Variants in ESYT2 observed in about 807,000 individuals in gnomAD.
ESYT2 encodes the protein extended synaptotagmin-2.
Under a neutral mutation model 107.2 loss-of-function variants are expected in ESYT2, and 54 were observed. The ratio of observed to expected loss-of-function variants is 0.50; its 90% CI spans 0.40 to 0.63. The LOEUF (loss-of-function observed/expected upper bound fraction) is 0.63. Among genes scored for constraint, ESYT2 ranks in the 30% least tolerant of loss-of-function variants. The pLI, the probability that ESYT2 is intolerant of heterozygous loss-of-function variation, is 0.00. For synonymous variants in ESYT2, 491 were observed against 434.1 expected (o/e 1.13, Z -1.63); for missense variants, 1,020 against 1,094.5 (o/e 0.93, Z 0.96).
rs75769839 is a variant in ESYT2 at position 158,790,915 on chromosome 7, G to A, written c.585-2498C>T. ...TGCACTCCAGCCTGGACAACAGAGT[G>A]AGACTCTGTCTCAAAATAAATAAAT... is the stretch of plus-strand genomic sequence containing the variant. On this transcript the variant is annotated intron_variant, in intron 4 of 22. Coordinates refer to ENST00000275418, the MANE Select transcript of ESYT2 (RefSeq NM_001367773.1). Among the ~76,000 whole-genome samples, 689 of 152,230 alleles carry A rather than the reference G, an allele frequency of 4.5e-3. 42 individuals carry two copies. In the East Asian group the frequency reaches 0.12, roughly 26 times the overall value.
intron 6 of ESYT2, among the ~76,000 whole-genome samples, chr7:158,775,534 T>C (rs183563314): frequency 1.7e-3 from 266 of 152,302 alleles, no homozygotes; most frequent in Admixed American, 3.1e-3. Context: ...TCACTAGGAG[T>C]AGATTCCATC....
At chr7:158,828,804 G>A (rs868066067) in intron 1 of ESYT2, among the ~76,000 whole-genome samples, 2 of 150,364 alleles carry the variant, frequency 1.3e-5, no homozygotes, top group Non-Finnish European at 1.5e-5. Flanking sequence ...GTCGCCAGCA[G>A]GCTGGGAGTC....
intron 3 of ESYT2, among the ~76,000 whole-genome samples, chr7:158,795,914 G>A (rs966231296): frequency 6.6e-6 from 1 of 152,204 alleles, no homozygotes; most frequent in Admixed American, 6.5e-5. Flanking sequence ...CACACGTAAG[G>A]CTGCACAGGA....
chr7:158,736,840 G>A (rs1836973184), intron 20 of ESYT2, among the ~76,000 whole-genome samples: 2 of 152,176 alleles, frequency 1.3e-5, no homozygotes, highest in South Asian at 4.1e-4. Context: ...CCACAGGGTT[G>A]TAACTTGAAT....
intron 9 of ESYT2, among the ~76,000 whole-genome samples, chr7:158,763,743 A>G (rs1012999856): frequency 6.6e-6 from 1 of 152,162 alleles, no homozygotes; most frequent in African/African-American, 2.4e-5. Flanking sequence ...GATCAAGTTC[A>G]ATCACTCCAA....
chr7:158,808,808 A>T (rs1042315769), intron 1 of ESYT2, among the ~76,000 whole-genome samples: 1 of 15,622 alleles, frequency 6.4e-5, no homozygotes, highest in Non-Finnish European at 2.9e-4. Flanking sequence ...ATCTCTACTA[A>T]AAAAAAAAAA....
At chr7:158,738,356 C>T (rs1215145623) in intron 19 of ESYT2, among the ~76,000 whole-genome samples, 4 of 150,044 alleles carry the variant, frequency 2.7e-5, no homozygotes, top group East Asian at 2.0e-4. Flanking sequence ...CACACACACA[C>T]ACACACACAC....
At chr7:158,791,261 C>T (rs1035937863) in intron 4 of ESYT2, among the ~76,000 whole-genome samples, 1 of 152,170 alleles carries the variant, frequency 6.6e-6, no homozygotes, top group African/African-American at 2.4e-5. Flanking sequence ...CAGCATGTGG[C>T]GGCCTGGAGC....
chr7:158,788,561 A>G, intron 4 of ESYT2, 144 bp from the exon 5 acceptor site: 1 of 678,534 alleles, frequency 1.5e-6, no homozygotes, highest in Non-Finnish European at 2.4e-6. Flanking sequence ...AATGTGGCCC[A>G]TCAAATTATA....
At chr7:158,763,586 C>T (rs1364856591) in intron 9 of ESYT2, among the ~76,000 whole-genome samples, 1 of 152,160 alleles carries the variant, frequency 6.6e-6, no homozygotes. Flanking sequence ...TGAGCCACCG[C>T]ACCCAGCCAG....
At position 158,751,602 on chromosome 7, in the gene ESYT2, T is replaced by C. The variant is rs112369039; in HGVS notation, c.1482+1179A>G. 5.1e-3 allele frequency among the ~76,000 whole-genome samples: 768 copies of C among 150,060 alleles called. 4 individuals carry two copies. The highest frequency in any genetic ancestry group is 0.018 in the African/African-American group (738 of 40,728). ...GAAACTAGGTGAGCTAATTTAATAA[T>C]ATAACAATTATAATATATATTATCC... On this transcript the variant is annotated intron_variant, in intron 14 of 22. Transcript: ENST00000275418.
chr7:158,742,260 G>A lies in ESYT2; in HGVS notation c.1795-364C>T, dbSNP rs147662885. Among the ~76,000 whole-genome samples the A allele has an allele frequency of 2.4e-3, 366 of 152,254 alleles. 2 individuals carry two copies. The highest frequency in any genetic ancestry group is 8.4e-3 in the African/African-American group (347 of 41,556). On this transcript the variant is annotated intron_variant, in intron 17 of 22. Coordinates refer to ENST00000275418, the MANE Select transcript of ESYT2 (RefSeq NM_001367773.1). ...CAGGCTCTGGTGGCAGCAACAGGGC[G>A]GTGGCAGTGATAAGCCTGGTGTGGA...
chr7:158,757,765 TTTG>T (rs1409433982), intron 13 of ESYT2, among the ~76,000 whole-genome samples: 14 of 139,804 alleles, frequency 1.0e-4, no homozygotes, highest in African/African-American at 3.5e-4. Flanking sequence ...TTTTTTTTTT[TTTG>T]TTTTTTGTTT....
At chr7:158,785,792 C>A (rs553190335) in intron 6 of ESYT2, among the ~76,000 whole-genome samples, 2 of 152,286 alleles carry the variant, frequency 1.3e-5, no homozygotes, top group Admixed American at 1.3e-4. Context: ...AACTTCGTCA[C>A]CTCAGCAATA....
intron 19 of ESYT2, among the ~76,000 whole-genome samples, chr7:158,737,881 G>A (rs6965969): frequency 0.24 from 36,074 of 152,004 alleles, 5,159 homozygotes; most frequent in East Asian, 0.59. Flanking sequence ...AAAATAGTTC[G>A]TAAGCCCACA....
rs555297115 is a variant in ESYT2, at chr7:158,752,994, C to T, written c.1420-151G>A. ...AATTACACAAACAACCAAAATGCCA[C>T]GTATAAAATTCTTTATGCCCAAGAC... On this transcript the variant is annotated intron_variant, in intron 13 of 22. Coordinates refer to ENST00000275418, the MANE Select transcript of ESYT2 (RefSeq NM_001367773.1). Among the ~76,000 whole-genome samples the T allele has an allele frequency of 6.5e-4, 99 of 152,308 alleles. 1 individual carries two copies. The highest frequency in any genetic ancestry group is 2.3e-3 in the African/African-American group (94 of 41,568).
At chr7:158,738,949 C>CG in intron 19 of ESYT2, 74 bp downstream of exon 19, 2 of 1,358,954 alleles carry the variant, frequency 1.5e-6, no homozygotes, top group Non-Finnish European at 2.1e-6. Context: ...ATCCTAAAGG[C>CG]GGTGTCTACA....
At position 158,743,523 on chromosome 7, in the gene ESYT2, C is replaced by T. The variant is rs114979939; in HGVS notation, c.1794+6G>A. On this transcript the variant is annotated splice_donor_region_variant and intron_variant, in intron 17 of 22. Transcript: ENST00000275418. ...CTATGGTGTTCACTGCAGGACGACA[C>T]GATACCCGCAGGGCAATCTTCATCT... 440 of 1,607,000 alleles carry T rather than the reference C, an allele frequency of 2.7e-4. 1 individual carries two copies. The African/African-American group carries it at 4.8e-3, about 17-fold the overall frequency.
chr7:158,762,993 T>C (rs1159036017), intron 10 of ESYT2, 90 bp downstream of exon 10: 1 of 832,882 alleles, frequency 1.2e-6, no homozygotes, highest in South Asian at 1.7e-5. Context: ...ACAACAAGTA[T>C]ACAAATGTAT....
Sources: gnomAD v4.1 joint callset for allele counts (sites outside exome capture counted in the v4.1 genomes callset) on GRCh38, gnomAD v4.1.1 for gene constraint, MANE v1.5 for transcripts, NCBI Gene and HGNC (gene_info 2026-07-23, HGNC 2026-07-21) for gene names.